BCAS3: variants seen among roughly 807,000 people sequenced by gnomAD.
BCAS3 encodes BCAS4/BCAS3 fusion.
A neutral mutation model predicts 116.1 loss-of-function variants in BCAS3; 53 were observed. That is an observed-to-expected ratio of 0.46 (90% CI 0.37 to 0.57). The LOEUF (loss-of-function observed/expected upper bound fraction) is 0.57, where lower values mean the gene tolerates loss of function less well. Among genes scored for constraint, BCAS3 ranks in the 20% least tolerant of loss-of-function variants. BCAS3 has a pLI of 0.00. For missense variants in BCAS3, 917 were observed against 1,165.4 expected (o/e 0.79, Z 3.10); for synonymous variants, 391 against 408.2 (o/e 0.96, Z 0.51).
intron 22 of BCAS3, among the ~76,000 whole-genome samples, chr17:61,320,468 T>A (rs1164714743): frequency 6.6e-6 from 1 of 151,766 alleles, no homozygotes; most frequent in Non-Finnish European, 1.5e-5. Context: ...GATTACGAGG[T>A]CAGGAGATCG....
rs184154395 is a variant in BCAS3 at position 60,855,363 on chromosome 17, C to T, written c.477-13213C>T. On this transcript the variant is annotated intron_variant, in intron 7 of 23. Coordinates refer to ENST00000407086, the MANE Select transcript of BCAS3 (RefSeq NM_017679.5). ...AGAAACTGCTAGACTGTTGTCCAGG[C>T]GACTGTTCCATTTTATATTCCCACC... Among the ~76,000 whole-genome samples, 18 of 151,458 alleles carry T rather than the reference C, an allele frequency of 1.2e-4. No individual in the cohort carries two copies. In the East Asian group the frequency reaches 2.3e-3, roughly 20 times the overall value.
chr17:61,015,994 T>C, intron 16 of BCAS3, 93 bp downstream of exon 16: 1 of 1,325,484 alleles, frequency 7.5e-7, no homozygotes, highest in Admixed American at 2.1e-5. Flanking sequence ...TGGTTTTTAT[T>C]ATGTTCTTCA....
intron 22 of BCAS3, among the ~76,000 whole-genome samples, chr17:61,123,627 T>TG (rs958167208): frequency 7.2e-5 from 11 of 151,766 alleles, no homozygotes; most frequent in Admixed American, 2.0e-4. Context: ...TAATTTTTAT[T>TG]GGGGGGGAGT....
intron 16 of BCAS3, among the ~76,000 whole-genome samples, chr17:61,024,232 G>A (rs532667115): frequency 2.0e-5 from 3 of 152,242 alleles, no homozygotes; most frequent in East Asian, 1.9e-4. Context: ...CAGTAATTAC[G>A]TCAGTCACTA....
In BCAS3 at chr17:60,961,067, A is replaced by G. The variant is rs192781509; in HGVS notation, c.1221+13715A>G. ...TTTTCCCAACCATGAAACTCCTCAT[A>G]GTAACATCTTTTTCTCCTTGGTAGG... On this transcript the variant is annotated intron_variant, in intron 14 of 23. Transcript: ENST00000407086. The surrounding 1 kb of genome is among the most constrained non-coding windows in gnomAD (Gnocchi z 4.8). 1.6e-4 allele frequency among the ~76,000 whole-genome samples: 24 copies of G among 152,254 alleles called. No individual in the cohort carries two copies. Among genetic ancestry groups the G allele is most frequent in the Admixed American group, 1.6e-3 (24 of 15,286 alleles).
intron 12 of BCAS3, among the ~76,000 whole-genome samples, chr17:60,918,778 C>T (rs182232742): frequency 3.8e-4 from 58 of 151,262 alleles, no homozygotes; most frequent in African/African-American, 1.1e-3. Flanking sequence ...CTGCAAGCTC[C>T]GCATCCCGGG....
intron 19 of BCAS3, chr17:61,070,366 A>AATTTATATATAT (rs1555698459): frequency 5.1e-5 from 16 of 314,092 alleles, no homozygotes; most frequent in Non-Finnish European, 4.5e-5. Context: ...CCTAATTCTG[A>AATTTATATATAT]ATATATATAT....
At chr17:60,949,366 T>C (rs2060707039) in intron 14 of BCAS3, among the ~76,000 whole-genome samples, 1 of 152,136 alleles carries the variant, frequency 6.6e-6, no homozygotes, top group African/African-American at 2.4e-5. Flanking sequence ...CAAGTGATCC[T>C]CCTGTCTCAG....
intron 22 of BCAS3, among the ~76,000 whole-genome samples, chr17:61,163,855 G>A (rs555299894): frequency 1.5e-4 from 23 of 151,694 alleles, no homozygotes; most frequent in Middle Eastern, 6.8e-3. Flanking sequence ...GCATGGTGGC[G>A]CATGCCTGTA....
intron 22 of BCAS3, among the ~76,000 whole-genome samples, chr17:61,166,590 G>T (rs2078519212): frequency 6.6e-6 from 1 of 151,830 alleles, no homozygotes; most frequent in Non-Finnish European, 1.5e-5. Context: ...TGGACACGGG[G>T]TTTCACCATG....
intron 22 of BCAS3, among the ~76,000 whole-genome samples, chr17:61,275,062 G>A (rs1029211957): frequency 1.3e-5 from 2 of 152,022 alleles, no homozygotes. Flanking sequence ...ATGTCGCCCA[G>A]GCTAGTCTCA....
chr17:61,158,739 C>A (rs1380840789), intron 22 of BCAS3, among the ~76,000 whole-genome samples: 1 of 152,002 alleles, frequency 6.6e-6, no homozygotes, highest in Non-Finnish European at 1.5e-5. Context: ...AATTTGATTT[C>A]GATTTCATTG....
At chr17:61,039,010 A>G (rs530427313) in intron 18 of BCAS3, among the ~76,000 whole-genome samples, 1 of 152,342 alleles carries the variant, frequency 6.6e-6, no homozygotes, top group African/African-American at 2.4e-5. Context: ...ACCCATTAAA[A>G]GTGACTTTTC....
intron 7 of BCAS3, among the ~76,000 whole-genome samples, chr17:60,868,292 T>C (rs1055073625): frequency 1.3e-5 from 2 of 152,144 alleles, no homozygotes; most frequent in African/African-American, 4.8e-5. Flanking sequence ...CCCAAAGTGC[T>C]GGGATTACAG....
At chr17:61,360,060 G>A (rs2058373039) in intron 22 of BCAS3, among the ~76,000 whole-genome samples, 1 of 150,348 alleles carries the variant, frequency 6.7e-6, no homozygotes, top group Non-Finnish European at 1.5e-5. Context: ...AGACTGGAGT[G>A]CAGTGGCGCA....
At chr17:61,221,897 C>T (rs2082131510) in intron 22 of BCAS3, among the ~76,000 whole-genome samples, 1 of 152,196 alleles carries the variant, frequency 6.6e-6, no homozygotes, top group Non-Finnish European at 1.5e-5. Flanking sequence ...ACAGTTTCCT[C>T]ATTTGTAAAA....
rs1443557047 is a variant in BCAS3 at position 61,256,032 on chromosome 17, T to C, written c.2426-112295T>C. Among the ~76,000 whole-genome samples, 1 of 152,252 alleles carries C rather than the reference T, an allele frequency of 6.6e-6. No individual in the cohort carries two copies. The highest frequency in any genetic ancestry group is 1.5e-5 in the Non-Finnish European group (1 of 68,048). On this transcript the variant is annotated intron_variant, in intron 22 of 23. Coordinates refer to ENST00000407086, the MANE Select transcript of BCAS3 (RefSeq NM_017679.5). This position sits in a 1 kb window ranked among gnomAD's most constrained non-coding sequence, Gnocchi z 5.6. ...AACTCCGAGTCATAATTGTACCATA[T>C]TTATTTTCTGATTTTTTTTAACCTT...
chr17:61,114,125 C>T (rs1445516276), intron 22 of BCAS3, among the ~76,000 whole-genome samples: 1 of 142,720 alleles, frequency 7.0e-6, no homozygotes, highest in African/African-American at 2.6e-5. Flanking sequence ...AACCCACAGC[C>T]AATATCATAC....
intron 13 of BCAS3, among the ~76,000 whole-genome samples, chr17:60,942,359 G>A (rs557624779): frequency 1.6e-3 from 250 of 152,174 alleles, no homozygotes; most frequent in African/African-American, 5.1e-3. Flanking sequence ...CCCGGGAGGC[G>A]GAGGTTGCAG....
Sources: gnomAD v4.1 joint callset for allele counts (sites outside exome capture counted in the v4.1 genomes callset) on GRCh38, gnomAD v4.1.1 for gene constraint, Gnocchi (gnomAD v3.1) non-coding constraint, MANE v1.5 for transcripts, NCBI Gene and HGNC (gene_info 2026-07-23, HGNC 2026-07-21) for gene names.